The following COX7B2 variants were observed in gnomAD, a reference collection of about 807,000 sequenced individuals.
COX7B2 encodes the protein cytochrome c oxidase subunit 7B2, mitochondrial.
For synonymous variants in COX7B2, 37 were observed against 32.1 expected (o/e 1.15, Z -0.51); for missense variants, 109 against 95.9 (o/e 1.14, Z -0.57).
At chr4:46,860,470 GGA>G (rs1717271089) in intron 1 of COX7B2, among the ~76,000 whole-genome samples, 1 of 152,048 alleles carries the variant, frequency 6.6e-6, no homozygotes, top group East Asian at 1.9e-4. Context: ...GGAACCTAGG[GGA>G]GACCTTCACC....
At chr4:46,906,118 C>T (rs1349409787) in intron 1 of COX7B2, among the ~76,000 whole-genome samples, 1 of 152,040 alleles carries the variant, frequency 6.6e-6, no homozygotes, top group African/African-American at 2.4e-5. Flanking sequence ...CGTGAGCCAC[C>T]GCACCCGGCC....
chr4:46,831,692 T>C (rs1438522128), intron 2 of COX7B2, among the ~76,000 whole-genome samples: 2 of 152,030 alleles, frequency 1.3e-5, no homozygotes, highest in Admixed American at 6.5e-5. Flanking sequence ...ACTTGGAGAA[T>C]CTTTATGTCT....
intron 1 of COX7B2, among the ~76,000 whole-genome samples, chr4:46,864,608 G>C (rs906690087): frequency 1.3e-5 from 2 of 152,042 alleles, no homozygotes; most frequent in African/African-American, 4.8e-5. Flanking sequence ...TATCAGGCCA[G>C]TCAGCCCATT....
At chr4:46,743,374 T>C (rs1371585382) in intron 2 of COX7B2, among the ~76,000 whole-genome samples, 1 of 152,174 alleles carries the variant, frequency 6.6e-6, no homozygotes, top group Non-Finnish European at 1.5e-5. Context: ...TCTGAGAATC[T>C]GTCTCATGCT....
At position 46,740,606 on chromosome 4, in the gene COX7B2, A is replaced by C. The variant is rs115478494; in HGVS notation, c.-49-5365T>G. 1.5e-3 allele frequency among the ~76,000 whole-genome samples: 229 copies of C among 152,186 alleles called. 1 individual carries two copies. Among genetic ancestry groups the C allele is most frequent in the African/African-American group, 5.2e-3 (217 of 41,546 alleles). On this transcript the variant is annotated intron_variant, in intron 2 of 2. Coordinates refer to ENST00000355591, the MANE Select transcript of COX7B2 (RefSeq NM_130902.3). ...GTGTAATCAGAAAACACATTTTACA[A>C]ACGTAATTGTTAGGTGTAAAATGGA...
rs56248005 is a variant in COX7B2 at position 46,754,728 on chromosome 4, G to GTATATATATATATA, written c.-49-19501_-49-19488dup. Among the ~76,000 whole-genome samples, 37 of 39,860 alleles carry GTATATATATATATA rather than the reference G, an allele frequency of 9.3e-4. 5 individuals are homozygous for GTATATATATATATA. The highest frequency in any genetic ancestry group is 2.1e-3 in the African/African-American group (18 of 8,680). 26.1% of individuals were successfully genotyped at this position (39,860 alleles called of 152,430 possible). A position where few individuals can be genotyped will look rare whatever the true frequency, so the allele number is the denominator to read the frequency against. ...TGTGTGTGTGTGTGTGTGTGTGTGT[G>GTATATATATATATA]TATATATATATATATATATATGAAA... On this transcript the variant is annotated intron_variant, in intron 2 of 2. Coordinates refer to ENST00000355591, the MANE Select transcript of COX7B2 (RefSeq NM_130902.3).
intron 2 of COX7B2, among the ~76,000 whole-genome samples, chr4:46,789,552 T>C (rs1717928649): frequency 1.3e-5 from 2 of 152,196 alleles, no homozygotes; most frequent in South Asian, 4.1e-4. Flanking sequence ...TTACTGTTCA[T>C]GACATTAACA....
intron 1 of COX7B2, among the ~76,000 whole-genome samples, chr4:46,906,699 C>T (rs1005925325): frequency 1.3e-5 from 2 of 152,174 alleles, no homozygotes; most frequent in Non-Finnish European, 2.9e-5. Flanking sequence ...TGAAATCACT[C>T]AATTCTGAAT....
chr4:46,811,268 T>C (rs575455669), intron 2 of COX7B2, among the ~76,000 whole-genome samples: 4 of 152,236 alleles, frequency 2.6e-5, no homozygotes, highest in Non-Finnish European at 4.4e-5. Flanking sequence ...TCTTATGTTT[T>C]TGGGGACTCC....
intron 1 of COX7B2, among the ~76,000 whole-genome samples, chr4:46,906,626 GT>G (rs1006473086): frequency 6.6e-6 from 1 of 152,012 alleles, no homozygotes; most frequent in Non-Finnish European, 1.5e-5. Flanking sequence ...CTAAGCATTA[GT>G]TTTTTTCTAA....
At chr4:46,795,078 C>A (rs1027539380) in intron 2 of COX7B2, among the ~76,000 whole-genome samples, 5 of 137,872 alleles carry the variant, frequency 3.6e-5, no homozygotes, top group South Asian at 2.2e-4. Context: ...TGTTTGAGTT[C>A]ATTGTAGATT....
At chr4:46,831,523 G>C (rs534503865) in intron 2 of COX7B2, among the ~76,000 whole-genome samples, 14 of 152,200 alleles carry the variant, frequency 9.2e-5, no homozygotes, top group Non-Finnish European at 2.1e-4. Flanking sequence ...GAGTCTAGTG[G>C]GGACTTGGAG....
At chr4:46,874,088 T>C (rs1167785331) in intron 1 of COX7B2, among the ~76,000 whole-genome samples, 2 of 152,288 alleles carry the variant, frequency 1.3e-5, no homozygotes, top group South Asian at 2.1e-4. Flanking sequence ...TCTCTTTGTA[T>C]CTTGAGTTTG....
chr4:46,810,623 T>C (rs1719239686), intron 2 of COX7B2, among the ~76,000 whole-genome samples: 1 of 152,128 alleles, frequency 6.6e-6, no homozygotes. Flanking sequence ...CAGCTTTAGT[T>C]ATTTTTGATG....
At chr4:46,793,572 G>A (rs1339913695) in intron 2 of COX7B2, among the ~76,000 whole-genome samples, 2 of 152,326 alleles carry the variant, frequency 1.3e-5, no homozygotes, top group East Asian at 3.9e-4. Context: ...CAAAGTGTTG[G>A]AAGAAAAGGA....
At chr4:46,782,103 G>A (rs889823751) in intron 2 of COX7B2, among the ~76,000 whole-genome samples, 2 of 152,148 alleles carry the variant, frequency 1.3e-5, no homozygotes, top group African/African-American at 4.8e-5. Context: ...GATCCACTAG[G>A]CAAAGCCAGC....
intron 1 of COX7B2, among the ~76,000 whole-genome samples, chr4:46,883,977 T>TA (rs1167174531): frequency 6.6e-6 from 1 of 152,122 alleles, no homozygotes; most frequent in Non-Finnish European, 1.5e-5. Context: ...TGTTATGCAG[T>TA]AAAAATCAGA....
At chr4:46,771,288 C>T (rs1375906888) in intron 2 of COX7B2, among the ~76,000 whole-genome samples, 6 of 152,110 alleles carry the variant, frequency 3.9e-5, no homozygotes, top group African/African-American at 7.2e-5. Flanking sequence ...ATTAGGATGG[C>T]TATTATCAAA....
chr4:46,815,944 A>G (rs1263120038), intron 2 of COX7B2, among the ~76,000 whole-genome samples: 1 of 152,206 alleles, frequency 6.6e-6, no homozygotes, highest in South Asian at 2.1e-4. Context: ...GATTTATCAA[A>G]CCACAAGAGG....
Sources: allele counts gnomAD v4.1 joint callset (sites outside exome capture counted in the v4.1 genomes callset), GRCh38; gene constraint gnomAD v4.1.1; transcripts MANE v1.5; gene names NCBI Gene and HGNC (gene_info 2026-07-23, HGNC 2026-07-21).